Variants in RERE observed in about 807,000 individuals in gnomAD.
RERE encodes arginine-glutamic acid dipeptide repeats protein.
Under a neutral mutation model 146.1 loss-of-function variants are expected in RERE, and 40 were observed. That is an observed-to-expected ratio of 0.27 (90% CI 0.21 to 0.36). The LOEUF is 0.36. Among genes scored for constraint, RERE ranks in the 10% least tolerant of loss-of-function variants. The pLI is 1.00. For synonymous variants in RERE, 1,003 were observed against 866.0 expected (o/e 1.16, Z -2.78); for missense variants, 1,933 against 2,138.7 (o/e 0.90, Z 1.90).
At chr1:8,669,024 C>CTGTGTGTGTGTGTGTGTG (rs59647434) in intron 1 of RERE, among the ~76,000 whole-genome samples, 42 of 43,826 alleles carry the variant, frequency 9.6e-4, no homozygotes, top group South Asian at 2.4e-3. Flanking sequence ...GCACTCAACT[C>CTGTGTGTGTGTGTGTGTG]TGTGTGTGTG....
chr1:8,644,640 T>C (rs113971109), intron 2 of RERE, among the ~76,000 whole-genome samples: 74 of 152,326 alleles, frequency 4.9e-4, no homozygotes, highest in African/African-American at 1.7e-3. Context: ...CTATGTATTC[T>C]TGAACAATTT....
Position 8,656,171 on chromosome 1 carries a change from A to G in RERE, c.127T>C (p.Leu43=). 6.2e-7 allele frequency: 1 copy of G among 1,613,812 alleles called. No individual in the cohort carries two copies. The highest frequency in any genetic ancestry group is 2.2e-5 in the East Asian group (1 of 44,878). The part of the protein sequence containing the change: ...ENSRPRRSCT[L]EGGAKNYAES... ...GCATAATTTTTGGCTCCTCCTTCCA[A>G]GGTACAGCTCCGGCGTGGCCTTGAA... Residue 43 remains leucine (L), a synonymous_variant, in exon 2 of 23, where the codon TTG becomes CTG. Coordinates refer to ENST00000400908, the MANE Select transcript of RERE (RefSeq NM_001042681.2).
At chr1:8,421,426 A>G (rs1370862423) in intron 12 of RERE, among the ~76,000 whole-genome samples, 1 of 152,242 alleles carries the variant, frequency 6.6e-6, no homozygotes, top group African/African-American at 2.4e-5. Context: ...GATTGGCATC[A>G]TAATACATCT....
intron 1 of RERE, among the ~76,000 whole-genome samples, chr1:8,691,103 G>C (rs1639197939): frequency 6.6e-6 from 1 of 152,018 alleles, no homozygotes; most frequent in Admixed American, 6.6e-5. Context: ...TTACCATGTT[G>C]GCCAGGATGG....
intron 12 of RERE, among the ~76,000 whole-genome samples, chr1:8,412,362 T>C (rs1008226133): frequency 6.6e-6 from 1 of 152,148 alleles, no homozygotes; most frequent in African/African-American, 2.4e-5. Flanking sequence ...GATAATAAAA[T>C]GGCATATGAT....
chr1:8,435,303 A>G (rs1481021821), intron 11 of RERE, among the ~76,000 whole-genome samples: 2 of 152,194 alleles, frequency 1.3e-5, no homozygotes, highest in East Asian at 1.9e-4. Context: ...TGTTTTGTTC[A>G]CTATTATATC....
intron 7 of RERE, chr1:8,512,908 A>G (rs1645360781): frequency 6.6e-6 from 1 of 152,352 alleles, no homozygotes; most frequent in Non-Finnish European, 1.5e-5. Context: ...ACTTCCGGAG[A>G]GCCACTTCCT....
intron 4 of RERE, among the ~76,000 whole-genome samples, chr1:8,570,347 A>G (rs1646205784): frequency 6.6e-6 from 1 of 152,022 alleles, no homozygotes; most frequent in South Asian, 2.1e-4. Context: ...TAATAATAAT[A>G]AAAATAAAAA....
chr1:8,616,509 T>C (rs931894859), intron 3 of RERE, among the ~76,000 whole-genome samples: 5 of 152,316 alleles, frequency 3.3e-5, no homozygotes, highest in South Asian at 2.1e-4. Flanking sequence ...TCTTGCACAG[T>C]AGATGGCTGC....
chr1:8,645,348 C>A (rs1005818859), intron 2 of RERE, among the ~76,000 whole-genome samples: 1 of 152,164 alleles, frequency 6.6e-6, no homozygotes, highest in African/African-American at 2.4e-5. Flanking sequence ...AAATCTCAAG[C>A]CATGAAATCA....
At chr1:8,479,705 C>T (rs116570094) in intron 10 of RERE, among the ~76,000 whole-genome samples, 2,015 of 152,218 alleles carry the variant, frequency 0.013, 45 homozygotes, top group African/African-American at 0.046. Flanking sequence ...CAGGAGGAGC[C>T]GGAGAGGTAC....
At chr1:8,379,696 C>T (rs554798378) in intron 12 of RERE, among the ~76,000 whole-genome samples, 12 of 152,270 alleles carry the variant, frequency 7.9e-5, no homozygotes, top group Admixed American at 2.6e-4. Flanking sequence ...GCATGTGGGG[C>T]CCACAGGGGG....
At chr1:8,501,725 C>CT (rs1645161642) in intron 8 of RERE, among the ~76,000 whole-genome samples, 1 of 127,360 alleles carries the variant, frequency 7.9e-6, no homozygotes, top group African/African-American at 2.9e-5. Context: ...GGGTCAGCCC[C>CT]CCGCCCGGCC....
chr1:8,494,201 T>C (rs1287917201), intron 10 of RERE, among the ~76,000 whole-genome samples: 2 of 152,230 alleles, frequency 1.3e-5, no homozygotes, highest in African/African-American at 4.8e-5. Flanking sequence ...GTAAAACTTT[T>C]TATAGTCATG....
rs114603975 is a variant in RERE, at chr1:8,569,146, C to T, written c.523-11623G>A. On this transcript the variant is annotated intron_variant, in intron 4 of 22. Coordinates refer to ENST00000400908, the MANE Select transcript of RERE (RefSeq NM_001042681.2). ...TTTCTCTTTGGTCCAAAGGATTTCT[C>T]CCATAAAGGAAGAAAAAAATAGCTA... Among the ~76,000 whole-genome samples, 1,171 of 151,944 alleles carry T rather than the reference C, an allele frequency of 7.7e-3. 17 individuals are homozygous for T. Among genetic ancestry groups the T allele is most frequent in the African/African-American group, 0.027 (1,136 of 41,398 alleles).
At chr1:8,445,529 C>T (rs900006836) in intron 11 of RERE, among the ~76,000 whole-genome samples, 1 of 152,194 alleles carries the variant, frequency 6.6e-6, no homozygotes, top group East Asian at 1.9e-4. Context: ...CCATCATCTA[C>T]ACATGTAGAT....
chr1:8,618,003 A>G (rs1236518566), intron 3 of RERE, among the ~76,000 whole-genome samples: 1 of 152,246 alleles, frequency 6.6e-6, no homozygotes, highest in African/African-American at 2.4e-5. Context: ...TGATGTATGC[A>G]CTGTATCAAA....
intron 10 of RERE, among the ~76,000 whole-genome samples, chr1:8,478,320 T>G (rs1277331494): frequency 6.6e-6 from 1 of 152,148 alleles, no homozygotes; most frequent in East Asian, 1.9e-4. Context: ...TGAGAAGATA[T>G]GAAAATGTAT....
At chr1:8,561,015 T>C (rs1646071918) in intron 4 of RERE, among the ~76,000 whole-genome samples, 1 of 152,208 alleles carries the variant, frequency 6.6e-6, no homozygotes, top group Admixed American at 6.5e-5. Flanking sequence ...TAACTCAAAT[T>C]TGTACAATGT....
Sources: allele counts gnomAD v4.1 joint callset (sites outside exome capture counted in the v4.1 genomes callset), GRCh38; gene constraint gnomAD v4.1.1; transcripts MANE v1.5; gene names NCBI Gene and HGNC (gene_info 2026-07-23, HGNC 2026-07-21).